Variants in CFAP77 observed in about 807,000 individuals in gnomAD.
CFAP77 encodes the protein cilia and flagella associated protein 77, also known as cilia- and flagella-associated protein 77.
In CFAP77, 25 loss-of-function variants were observed where a neutral mutation model predicts 31.1. The observed-to-expected ratio is 0.80, with a 90% CI of 0.59 to 1.12. The LOEUF (loss-of-function observed/expected upper bound fraction) is 1.12. Ranked by LOEUF, CFAP77 falls within the 50% of genes most tolerant of loss-of-function variation. The probability of loss-of-function intolerance (pLI) is 0.00; values close to 1 mark genes in which losing one functional copy is unlikely to be tolerated. For synonymous variants in CFAP77, 151 were observed against 159.9 expected (o/e 0.94, Z 0.42); for missense variants, 377 against 397.3 (o/e 0.95, Z 0.44).
intron 1 of CFAP77, among the ~76,000 whole-genome samples, chr9:132,437,503 ATTTTT>A (rs763301010): frequency 5.5e-5 from 5 of 90,470 alleles, no homozygotes; most frequent in African/African-American, 1.4e-4. Flanking sequence ...CCACTTTTGC[ATTTTT>A]TTTTTTTTTT....
At chr9:132,459,420 G>GGGGTGT (rs1387160353) in intron 1 of CFAP77, among the ~76,000 whole-genome samples, 37 of 143,978 alleles carry the variant, frequency 2.6e-4, no homozygotes, top group Middle Eastern at 3.5e-3. Context: ...GGATGAATAG[G>GGGGTGT]GTGTGTGTGT....
chr9:132,436,314 G>A (rs1850502858), intron 1 of CFAP77, among the ~76,000 whole-genome samples: 1 of 152,034 alleles, frequency 6.6e-6, no homozygotes, highest in South Asian at 2.1e-4. Context: ...TCTCTCCTGT[G>A]TCTTCTCATA....
At chr9:132,427,606 C>T (rs1378266094) in intron 1 of CFAP77, among the ~76,000 whole-genome samples, 1 of 152,086 alleles carries the variant, frequency 6.6e-6, no homozygotes, top group East Asian at 1.9e-4. Flanking sequence ...CAGAGTGAGA[C>T]TCTGTCTCAA....
intron 4 of CFAP77, among the ~76,000 whole-genome samples, chr9:132,538,362 A>G (rs891679333): frequency 6.6e-6 from 1 of 152,214 alleles, no homozygotes; most frequent in Non-Finnish European, 1.5e-5. Flanking sequence ...TGAGGTCCCA[A>G]GGATGTCCAG....
At chr9:132,484,419 G>T (rs1373028656) in intron 1 of CFAP77, among the ~76,000 whole-genome samples, 1 of 152,114 alleles carries the variant, frequency 6.6e-6, no homozygotes, top group Non-Finnish European at 1.5e-5. Context: ...CCAGCTGCAG[G>T]CAACCACCAA....
In CFAP77 at chr9:132,439,848, CA is replaced by C. The variant is rs1225152331; in HGVS notation, c.195+29404del. 5.5e-3 allele frequency among the ~76,000 whole-genome samples: 244 copies of C among 44,640 alleles called. 1 individual carries two copies. The highest frequency in any genetic ancestry group is 0.047 in the East Asian group (76 of 1,632). The allele number at this position is 44,640 out of a possible 152,430, so 29.3% of individuals were successfully genotyped here. ...TGGGAGACAGAGCGAGACTCCGTCT[CA>C]AAAAAAAAAAAAAAAAAAAAAGATG... On this transcript the variant is annotated intron_variant, in intron 1 of 5. Coordinates refer to ENST00000393216, the MANE Select transcript of CFAP77 (RefSeq NM_001282957.2).
At chr9:132,465,201 G>T (rs1055210947) in intron 1 of CFAP77, among the ~76,000 whole-genome samples, 1 of 151,904 alleles carries the variant, frequency 6.6e-6, no homozygotes, top group Non-Finnish European at 1.5e-5. Flanking sequence ...CTTAAAAGTC[G>T]AATTCACATA....
intron 3 of CFAP77, among the ~76,000 whole-genome samples, chr9:132,515,226 C>T (rs1472711127): frequency 6.6e-6 from 1 of 152,188 alleles, no homozygotes; most frequent in Non-Finnish European, 1.5e-5. Flanking sequence ...CTAGGTGATT[C>T]TTATTCACTC....
Position 132,514,947 on chromosome 9 carries a change from G to A in CFAP77, c.524+15347G>A, listed in dbSNP as rs941752139. On this transcript the variant is annotated intron_variant, in intron 3 of 5. Transcript: ENST00000393216. The stretch of plus-strand genomic sequence containing the variant: ...CAAGGGGTGCAGCAGCCTCCGGGGC[G>A]CCAGAGCTCAGCCCCCCAGCCCGCC... Among the ~76,000 whole-genome samples the A allele has an allele frequency of 6.6e-5, 10 of 152,278 alleles. No homozygotes were observed. In the South Asian group the frequency reaches 1.2e-3, roughly 19 times the overall value.
rs139241576 is a variant in CFAP77, at chr9:132,415,233, G to A, written c.195+4767G>A. Among the ~76,000 whole-genome samples the A allele has an allele frequency of 3.5e-3, 529 of 152,248 alleles. 4 individuals carry two copies. The highest frequency in any genetic ancestry group is 0.012 in the African/African-American group (503 of 41,538). On this transcript the variant is annotated intron_variant, in intron 1 of 5. Transcript: ENST00000393216. The stretch of plus-strand genomic sequence containing the variant: ...CAGTTTCATTTTTCTAGAGAGTGCC[G>A]TGGGTTGATCCATCCTTACAACTCT...
chr9:132,438,543 T>TATATATATATATATA (rs1564204145), intron 1 of CFAP77, among the ~76,000 whole-genome samples: 1 of 88,356 alleles, frequency 1.1e-5, no homozygotes, highest in East Asian at 3.3e-4. Context: ...ATATATATAT[T>TATATATATATATATA]TTTTTTTTTT....
At chr9:132,479,278 T>C (rs1167046070) in intron 1 of CFAP77, among the ~76,000 whole-genome samples, 1 of 152,180 alleles carries the variant, frequency 6.6e-6, no homozygotes, top group Non-Finnish European at 1.5e-5. Flanking sequence ...CTCACAGTGC[T>C]CAGCCATCTT....
chr9:132,540,014 C>A (rs1037098096), intron 4 of CFAP77, among the ~76,000 whole-genome samples: 4 of 152,098 alleles, frequency 2.6e-5, no homozygotes, highest in African/African-American at 9.7e-5. Flanking sequence ...TCACTGCAAC[C>A]TCCGCCTCCT....
chr9:132,519,779 G>A (rs534096471), intron 3 of CFAP77, among the ~76,000 whole-genome samples: 1 of 143,524 alleles, frequency 7.0e-6, no homozygotes, highest in South Asian at 2.2e-4. Context: ...TGGGTGGATA[G>A]ATGGATGGAT....
chr9:132,456,313 C>T (rs1369379125), intron 1 of CFAP77, among the ~76,000 whole-genome samples: 1 of 152,174 alleles, frequency 6.6e-6, no homozygotes, highest in Non-Finnish European at 1.5e-5. Flanking sequence ...ATCTGCTGCC[C>T]CTCTCCCAGC....
At chr9:132,561,205 T>TGCCTCTCATTAGAGGAGACA (rs2119100118) in intron 5 of CFAP77, among the ~76,000 whole-genome samples, 2 of 152,274 alleles carry the variant, frequency 1.3e-5, no homozygotes, top group South Asian at 4.1e-4. Flanking sequence ...AATTTTCAAG[T>TGCCTCTCATTAGAGGAGACA]GCCTCTCATT....
intron 1 of CFAP77, among the ~76,000 whole-genome samples, chr9:132,494,873 G>A (rs938142743): frequency 5.9e-5 from 9 of 152,144 alleles, no homozygotes; most frequent in African/African-American, 2.2e-4. Flanking sequence ...AGGACTATCT[G>A]CCTCTTTCTT....
intron 1 of CFAP77, among the ~76,000 whole-genome samples, chr9:132,439,022 C>T (rs201443786): frequency 4.0e-4 from 60 of 151,858 alleles, no homozygotes; most frequent in Middle Eastern, 3.4e-3. Context: ...ATTACAGGTG[C>T]ACACCACTAC....
At chr9:132,468,887 T>C (rs1375130067) in intron 1 of CFAP77, among the ~76,000 whole-genome samples, 2 of 151,810 alleles carry the variant, frequency 1.3e-5, no homozygotes, top group African/African-American at 4.8e-5. Flanking sequence ...CCTTTTCAAA[T>C]GGGAAGAATC....
Sources: gnomAD v4.1 joint callset for allele counts (sites outside exome capture counted in the v4.1 genomes callset) on GRCh38, gnomAD v4.1.1 for gene constraint, MANE v1.5 for transcripts, NCBI Gene and HGNC (gene_info 2026-07-23, HGNC 2026-07-21) for gene names.